PLPP1: variants seen among roughly 807,000 people sequenced by gnomAD.
PLPP1 encodes lipid phosphate phosphohydrolase 1a.
A neutral mutation model predicts 31.2 loss-of-function variants in PLPP1; 24 were observed. The ratio of observed to expected loss-of-function variants is 0.77; its 90% confidence interval spans 0.56 to 1.08. The LOEUF (loss-of-function observed/expected upper bound fraction) is 1.08, where lower values mean the gene tolerates loss of function less well. PLPP1 is among the 50% of genes least tolerant of loss of function. The pLI, the probability that PLPP1 is intolerant of heterozygous loss-of-function variation, is 0.00. For missense variants in PLPP1, 319 were observed against 342.7 expected, an observed-to-expected ratio of 0.93 and a Z score of 0.55; for synonymous variants, 146 against 126.3, an observed-to-expected ratio of 1.16 and a Z score of -1.05.
intron 4 of PLPP1, among the ~76,000 whole-genome samples, chr5:55,439,091 A>C (rs1482177797): frequency 6.6e-6 from 1 of 152,174 alleles, no homozygotes; most frequent in Non-Finnish European, 1.5e-5. Context: ...AAATCTATTT[A>C]TCTAGGCTTC....
chr5:55,443,192 A>AATATATATATATATATATATAT (rs1159178740), intron 3 of PLPP1, among the ~76,000 whole-genome samples: 4 of 25,434 alleles, frequency 1.6e-4, no homozygotes, highest in Non-Finnish European at 2.6e-4. Flanking sequence ...AAAAAAAAAA[A>AATATATATATATATATATATAT]ATATATATAT....
chr5:55,525,928 T>C (rs1344243372), intron 1 of PLPP1, among the ~76,000 whole-genome samples: 1 of 152,096 alleles, frequency 6.6e-6, no homozygotes, highest in Non-Finnish European at 1.5e-5. Flanking sequence ...GTACAGACTG[T>C]ATGTTTCCAT....
intron 3 of PLPP1, among the ~76,000 whole-genome samples, chr5:55,463,078 C>A (rs1036538375): frequency 2.0e-5 from 3 of 152,090 alleles, no homozygotes; most frequent in Admixed American, 2.0e-4. Flanking sequence ...AGCAAACTAA[C>A]ACAGGAACAG....
intron 1 of PLPP1, among the ~76,000 whole-genome samples, chr5:55,509,567 T>C (rs548587302): frequency 3.9e-5 from 6 of 152,336 alleles, no homozygotes; most frequent in Non-Finnish European, 8.8e-5. Context: ...TTACCAAAGA[T>C]GGTTTTTACA....
At chr5:55,449,706 A>AT (rs1199574036) in intron 3 of PLPP1, among the ~76,000 whole-genome samples, 1 of 152,190 alleles carries the variant, frequency 6.6e-6, no homozygotes, top group African/African-American at 2.4e-5. Context: ...AACATGAGGC[A>AT]TTTTCTTCAA....
intron 1 of PLPP1, among the ~76,000 whole-genome samples, chr5:55,518,355 C>T (rs1753595337): frequency 6.6e-6 from 1 of 151,794 alleles, no homozygotes; most frequent in South Asian, 2.1e-4. Context: ...TTGAAAAAAC[C>T]TCATTTCATT....
intron 2 of PLPP1, among the ~76,000 whole-genome samples, chr5:55,471,935 A>G (rs1752424219): frequency 6.8e-6 from 1 of 146,864 alleles, no homozygotes; most frequent in Admixed American, 7.0e-5. Flanking sequence ...AGCCTGCACA[A>G]CACAGAGAGA....
chr5:55,457,083 T>C (rs1334946488), intron 3 of PLPP1, among the ~76,000 whole-genome samples: 2 of 151,544 alleles, frequency 1.3e-5, no homozygotes, highest in African/African-American at 2.4e-5. Flanking sequence ...CCGCTTGAGC[T>C]TGGGAGGCAG....
intron 1 of PLPP1, among the ~76,000 whole-genome samples, chr5:55,501,725 A>T (rs1398775828): frequency 6.6e-6 from 1 of 152,176 alleles, no homozygotes; most frequent in African/African-American, 2.4e-5. Context: ...GCTGGTCTGG[A>T]ACTCCTGACC....
At chr5:55,467,496 G>A (rs1874472) in intron 3 of PLPP1, among the ~76,000 whole-genome samples, 129,138 of 150,688 alleles carry the variant, frequency 0.86, 55,773 homozygotes, top group South Asian at 0.92. Context: ...CACCAGCCTA[G>A]GCAACATAGT....
intron 1 of PLPP1, among the ~76,000 whole-genome samples, chr5:55,505,675 G>A (rs750231635): frequency 1.3e-5 from 2 of 152,242 alleles, no homozygotes; most frequent in Admixed American, 6.5e-5. Flanking sequence ...AGTTAAAAGT[G>A]AACAAGGAAA....
intron 4 of PLPP1, among the ~76,000 whole-genome samples, chr5:55,432,275 C>T (rs1751377178): frequency 1.3e-5 from 2 of 151,936 alleles, no homozygotes; most frequent in Admixed American, 1.3e-4. Flanking sequence ...TGTGCATGAA[C>T]TGGAAAGCCC....
chr5:55,496,523 T>C (rs1753006148), intron 1 of PLPP1, among the ~76,000 whole-genome samples: 1 of 152,214 alleles, frequency 6.6e-6, no homozygotes, highest in Non-Finnish European at 1.5e-5. Context: ...ATCCTCTCTG[T>C]TGCTAGCCCA....
rs375595460 is a variant in PLPP1, at chr5:55,425,911, G to A, written c.678C>T (p.Ser226=). Residue 226 remains serine (S), a synonymous_variant, in exon 5 of 6, where the codon AGC becomes AGT. Coordinates refer to ENST00000307259, the MANE Select transcript of PLPP1 (RefSeq NM_003711.4). ...CCTGAATGAGTCCAGTCAACACATC[G>A]CTCCAGTGGTGTTTATAATCAGAAA... The part of the protein sequence containing the change: ...SRVSDYKHHW[S]DVLTGLIQGA... 1.8e-5 allele frequency: 29 copies of A among 1,613,058 alleles called. No individual in the cohort carries two copies. The highest frequency in any genetic ancestry group is 1.1e-4 in the African/African-American group (8 of 74,744).
At chr5:55,476,827 T>G (rs1752560369) in intron 1 of PLPP1, among the ~76,000 whole-genome samples, 1 of 152,238 alleles carries the variant, frequency 6.6e-6, no homozygotes, top group African/African-American at 2.4e-5. Flanking sequence ...CTGTTCAATC[T>G]ATTATAAGAG....
chr5:55,534,607 G>T lies in PLPP1; in HGVS notation c.23C>A (p.Pro8Gln). Residue 8 changes from proline to glutamine, a missense_variant, in exon 1 of 6, where the codon CCG (proline) becomes CAG (glutamine). Pro to Gln is a moderately conservative substitution (Grantham distance 76, BLOSUM62 -1). Coordinates refer to ENST00000307259, the MANE Select transcript of PLPP1 (RefSeq NM_003711.4). MFDKTRLPYVALDVLCVL... is the reference protein window; with the variant it reads MFDKTRLQYVALDVLCVL... ...GCAGAGCACATCGAGGGCCACGTAC[G>T]GCAGCCGCGTCTTGTCAAACATGGT... 1.3e-6 allele frequency: 2 copies of T among 1,557,950 alleles called. No homozygotes were observed. Among genetic ancestry groups the T allele is most frequent in the Non-Finnish European group, 1.7e-6 (2 of 1,153,988 alleles).
intron 3 of PLPP1, among the ~76,000 whole-genome samples, chr5:55,453,007 T>TA (rs1751925636): frequency 7.3e-6 from 1 of 137,494 alleles, no homozygotes; most frequent in Non-Finnish European, 1.6e-5. Context: ...TTATCGAACA[T>TA]AGAGTAGGTA....
intron 1 of PLPP1, among the ~76,000 whole-genome samples, chr5:55,503,877 AGAAGTAGAGGGGGGAG>A (rs1319052109): frequency 5.8e-5 from 3 of 51,968 alleles, no homozygotes; most frequent in Admixed American, 2.8e-4. Context: ...GGGCAGGGGA[AGAAGTAGAGGGGGGAG>A]GAAGTAGAGG....
At chr5:55,482,177 T>C (rs1752680976) in intron 1 of PLPP1, among the ~76,000 whole-genome samples, 1 of 148,816 alleles carries the variant, frequency 6.7e-6, no homozygotes, top group African/African-American at 2.5e-5. Context: ...TACATATATA[T>C]ATAGTATATA....
Sources: gnomAD v4.1 joint callset for allele counts (sites outside exome capture counted in the v4.1 genomes callset) on GRCh38, gnomAD v4.1.1 for gene constraint, MANE v1.5 for transcripts, NCBI Gene and HGNC (gene_info 2026-07-23, HGNC 2026-07-21) for gene names.